TRPM3: variants seen among roughly 807,000 people sequenced by gnomAD.
TRPM3 encodes the protein long transient receptor potential channel 3.
In TRPM3, 77 loss-of-function variants were observed where a neutral mutation model predicts 181.2. The ratio of observed to expected loss-of-function variants is 0.42; its 90% CI spans 0.35 to 0.51. The LOEUF is 0.51. Ranked by LOEUF, TRPM3 falls within the 20% of genes least tolerant of loss-of-function variation. The pLI, the probability that TRPM3 is intolerant of heterozygous loss-of-function variation, is 0.01. For synonymous variants in TRPM3, 745 were observed against 796.4 expected (o/e 0.94, Z 1.09); for missense variants, 1,759 against 2,196.7 (o/e 0.80, Z 3.98).
At chr9:70,857,169 A>C (rs112430588) in intron 3 of TRPM3, among the ~76,000 whole-genome samples, 1 of 152,108 alleles carries the variant, frequency 6.6e-6, no homozygotes, top group Non-Finnish European at 1.5e-5. Flanking sequence ...GGGGCATCTG[A>C]GTGAACTGCA....
At chr9:70,656,238 G>A (rs180897506) in intron 9 of TRPM3, among the ~76,000 whole-genome samples, 1 of 152,154 alleles carries the variant, frequency 6.6e-6, no homozygotes, top group Non-Finnish European at 1.5e-5. Context: ...TGGCATAGGG[G>A]TTAAAAAACT....
At chr9:70,864,898 C>T (rs914759347) in intron 1 of TRPM3, among the ~76,000 whole-genome samples, 1 of 151,892 alleles carries the variant, frequency 6.6e-6, no homozygotes, top group African/African-American at 2.4e-5. Flanking sequence ...AGAAATGCAT[C>T]TAAATAAGCA....
intron 1 of TRPM3, among the ~76,000 whole-genome samples, chr9:71,350,204 A>G (rs2091542188): frequency 6.6e-6 from 1 of 152,142 alleles, no homozygotes; most frequent in African/African-American, 2.4e-5. Flanking sequence ...CAGTCTATGA[A>G]AAGAAGTCAC....
At chr9:70,745,966 T>C (rs1032054402) in intron 8 of TRPM3, among the ~76,000 whole-genome samples, 4 of 152,192 alleles carry the variant, frequency 2.6e-5, no homozygotes, top group African/African-American at 9.6e-5. Flanking sequence ...TCCCTGTAGT[T>C]ATATGTAGAA....
intron 1 of TRPM3, among the ~76,000 whole-genome samples, chr9:71,064,204 T>C (rs2061642892): frequency 6.6e-6 from 1 of 152,154 alleles, no homozygotes; most frequent in Admixed American, 6.6e-5. Flanking sequence ...CTCTTTTGTA[T>C]TTCTGATAGT....
chr9:71,082,749 A>G (rs1027940619), intron 1 of TRPM3, among the ~76,000 whole-genome samples: 1 of 152,194 alleles, frequency 6.6e-6, no homozygotes, highest in Non-Finnish European at 1.5e-5. Context: ...GGAAAAACAA[A>G]TCAAATGGTT....
intron 1 of TRPM3, among the ~76,000 whole-genome samples, chr9:71,360,010 A>T (rs943043236): frequency 2.0e-5 from 3 of 152,190 alleles, no homozygotes; most frequent in Admixed American, 2.0e-4. Flanking sequence ...TTCAGTGAAC[A>T]CTTATTACAT....
At chr9:71,344,297 A>G (rs113361110) in intron 1 of TRPM3, among the ~76,000 whole-genome samples, 1 of 152,222 alleles carries the variant, frequency 6.6e-6, no homozygotes, top group African/African-American at 2.4e-5. Flanking sequence ...CAAAAAATAC[A>G]AAAATTAGCT....
At chr9:70,659,144 T>C (rs775978041) in intron 9 of TRPM3, among the ~76,000 whole-genome samples, 1 of 152,260 alleles carries the variant, frequency 6.6e-6, no homozygotes, top group African/African-American at 2.4e-5. Context: ...TCCTTTGTAA[T>C]AGGACACAAC....
chr9:70,938,419 C>T (rs904497936), intron 1 of TRPM3, among the ~76,000 whole-genome samples: 5 of 152,146 alleles, frequency 3.3e-5, no homozygotes, highest in African/African-American at 1.2e-4. Flanking sequence ...GCTAAGCCAC[C>T]TTCCTCCTAG....
At chr9:71,079,294 A>T (rs1459684393) in intron 1 of TRPM3, among the ~76,000 whole-genome samples, 1 of 152,208 alleles carries the variant, frequency 6.6e-6, no homozygotes, top group East Asian at 1.9e-4. Context: ...ATCTATGGAC[A>T]GTGGCAAGTT....
In TRPM3 at chr9:70,684,572, T is replaced by C. The variant is rs1435142965; in HGVS notation, c.1273-2994A>G. On this transcript the variant is annotated intron_variant, in intron 8 of 25. Coordinates refer to ENST00000677713, the MANE Select transcript of TRPM3 (RefSeq NM_001366145.2). Reference sequence around the variant, plus strand: ...TTTGAATGTTTAAAAATATTAATTATATATTTTTCATATCTGCTTCAGAAA... The same window carrying C: ...TTTGAATGTTTAAAAATATTAATTACATATTTTTCATATCTGCTTCAGAAA... Among the ~76,000 whole-genome samples the C allele has an allele frequency of 2.6e-5, 4 of 152,046 alleles. No individual in the cohort carries two copies. The East Asian group carries it at 7.7e-4, about 29-fold the overall frequency.
intron 6 of TRPM3, among the ~76,000 whole-genome samples, chr9:70,784,847 G>C (rs117782897): frequency 6.6e-6 from 1 of 152,076 alleles, no homozygotes; most frequent in Non-Finnish European, 1.5e-5. Context: ...TTTGACCATA[G>C]ATGATCAGAC....
At chr9:70,980,973 A>G (rs1384763713) in intron 1 of TRPM3, among the ~76,000 whole-genome samples, 4 of 152,244 alleles carry the variant, frequency 2.6e-5, no homozygotes, top group Admixed American at 2.6e-4. Context: ...ACATATGTAC[A>G]CATGCATGTG....
chr9:71,391,507 C>G (rs1438579740), intron 1 of TRPM3, among the ~76,000 whole-genome samples: 1 of 151,896 alleles, frequency 6.6e-6, no homozygotes, highest in Non-Finnish European at 1.5e-5. Flanking sequence ...TTCATATGCC[C>G]AGATTAAAAT....
At chr9:70,915,376 C>T (rs950386310) in intron 1 of TRPM3, among the ~76,000 whole-genome samples, 1 of 152,014 alleles carries the variant, frequency 6.6e-6, no homozygotes, top group African/African-American at 2.4e-5. Context: ...CGGCTCACTG[C>T]AAGCTTCACC....
intron 1 of TRPM3, among the ~76,000 whole-genome samples, chr9:71,037,370 AAC>A (rs2058330879): frequency 6.6e-6 from 1 of 152,218 alleles, no homozygotes; most frequent in Non-Finnish European, 1.5e-5. Context: ...ACACAAATCC[AAC>A]AGTTTGACTG....
chr9:70,620,270 G>T lies in TRPM3; in HGVS notation c.1935C>A (p.Pro645=), dbSNP rs770123916. The T allele has an allele frequency of 6.2e-7, 1 of 1,614,250 alleles. No homozygotes were observed. Residue 645 remains proline (P), a synonymous_variant, in exon 16 of 26, where the codon CCC becomes CCA. Coordinates refer to ENST00000677713, the MANE Select transcript of TRPM3 (RefSeq NM_001366145.2). ...ACACCATGAGCTCATGGAAAGGGAAGGGGAAGTGGTTGATCTCAGGATCAT... is the reference window on the plus strand; with the variant it reads ...ACACCATGAGCTCATGGAAAGGGAATGGGAAGTGGTTGATCTCAGGATCAT... ...DLDDPEINHF[P]FPFHELMVWA...
At position 70,536,132 on chromosome 9, in the gene TRPM3, G is replaced by A; in HGVS notation, c.4981C>T (p.His1661Tyr). The A allele has an allele frequency of 2.5e-6, 4 of 1,614,214 alleles. No homozygotes were observed. Among genetic ancestry groups the A allele is most frequent in the Non-Finnish European group, 3.4e-6 (4 of 1,180,040 alleles). The change falls in exon 26 of 26, where the codon CAC becomes TAC. Residue 1661 changes from histidine to tyrosine, a missense_variant. Physicochemically the swap from His to Tyr is moderately conservative, Grantham distance 83 (BLOSUM62 2). Transcript: ENST00000677713. ...SAEEPSAPYA[H>Y]TRKSFSISDK... ...CTGATGGAGAAGCTCTTCCTGGTGTGTGCATATGGCGCACTTGGCTCCTCT... is the reference window on the plus strand; with the variant it reads ...CTGATGGAGAAGCTCTTCCTGGTGTATGCATATGGCGCACTTGGCTCCTCT...
Sources: gnomAD v4.1 joint callset for allele counts (sites outside exome capture counted in the v4.1 genomes callset) on GRCh38, gnomAD v4.1.1 for gene constraint, MANE v1.5 for transcripts, NCBI Gene and HGNC (gene_info 2026-07-23, HGNC 2026-07-21) for gene names.